Variants in ZDHHC4 observed in about 807,000 individuals in gnomAD.
The protein encoded by ZDHHC4 is zDHHC palmitoyltransferase 4, also known as palmitoyltransferase ZDHHC4.
In ZDHHC4, 42 loss-of-function variants were observed where a neutral mutation model predicts 36.7. The ratio of observed to expected loss-of-function variants is 1.14; its 90% CI spans 0.89 to 1.48. ZDHHC4 has a LOEUF of 1.48. Ranked by LOEUF, ZDHHC4 falls within the 40% of genes most tolerant of loss-of-function variation. ZDHHC4 has a pLI of 0.00. For synonymous variants in ZDHHC4, 189 were observed against 166.6 expected, an observed-to-expected ratio of 1.13 and a Z score of -1.03; for missense variants, 457 against 421.5, an observed-to-expected ratio of 1.08 and a Z score of -0.74.
chr7:6,586,693 C>A (rs1781268721), intron 7 of ZDHHC4, among the ~76,000 whole-genome samples: 1 of 152,322 alleles, frequency 6.6e-6, no homozygotes, highest in African/African-American at 2.4e-5. Flanking sequence ...CCAGGCTGGT[C>A]TTGAACTCCT....
chr7:6,585,372 C>T, intron 7 of ZDHHC4, 112 bp downstream of exon 7: 1 of 1,450,328 alleles, frequency 6.9e-7, no homozygotes, highest in Non-Finnish European at 9.2e-7. Context: ...GCCTATAATC[C>T]CAGCACTTTT....
rs530828447 is a variant in ZDHHC4 at position 6,584,912 on chromosome 7, C to G, written c.497-104C>G. The G allele has an allele frequency of 6.0e-6, 9 of 1,496,926 alleles. No individual in the cohort carries two copies. In the East Asian group the frequency reaches 9.5e-5, roughly 16 times the overall value. 92.7% of individuals were successfully genotyped at this position (1,496,926 alleles called of 1,614,324 possible). A position where few individuals can be genotyped will look rare whatever the true frequency, so the allele number is the denominator to read the frequency against. ...GGAACTAAGCAGCTGCCATTTTCCTCTGATGACACATCCAGTGGACAGATT... is the reference window on the plus strand; with the variant it reads ...GGAACTAAGCAGCTGCCATTTTCCTGTGATGACACATCCAGTGGACAGATT... On this transcript the variant is annotated intron_variant, in intron 6 of 7. Coordinates refer to ENST00000335965, the MANE Select transcript of ZDHHC4 (RefSeq NM_001134389.2).
At chr7:6,580,412 C>A in intron 2 of ZDHHC4, 143 bp from the exon 3 acceptor site, 1 of 735,746 alleles carries the variant, frequency 1.4e-6, no homozygotes, top group Non-Finnish European at 2.4e-6. Flanking sequence ...TTCTGTTTGT[C>A]TTTCTGCTTT....
At chr7:6,583,536 C>A in intron 6 of ZDHHC4, 105 bp downstream of exon 6, 1 of 1,448,240 alleles carries the variant, frequency 6.9e-7, no homozygotes, top group Non-Finnish European at 9.2e-7. Flanking sequence ...CAGTTCACCC[C>A]CAGATATGGT....
intron 6 of ZDHHC4, chr7:6,584,791 C>G: frequency 1.7e-6 from 1 of 579,742 alleles, no homozygotes; most frequent in Non-Finnish European, 3.0e-6. Context: ...GCCGCCACCA[C>G]CTCAGATTTG....
intron 4 of ZDHHC4, 145 bp downstream of exon 4, chr7:6,581,825 G>A: frequency 1.3e-6 from 1 of 781,108 alleles, no homozygotes; most frequent in East Asian, 2.7e-5. Context: ...CCTGAGTTGG[G>A]AGCCTCTACT....
rs747978522 is a variant in ZDHHC4, at chr7:6,588,899, A to C, written c.1024A>C (p.Lys342Gln). The stretch of plus-strand genomic sequence containing the variant: ...TGCCTTTCCATGTCATGAGAGGAAG[A>C]AACAAGAATGACAAGTGTATGACTG... ...LPAFPCHERK[K>Q]QE is the part of the protein sequence containing the mutation. The change falls in exon 8 of 8, where the codon AAA becomes CAA. Residue 342 changes from lysine to glutamine, a missense_variant. Physicochemically the swap from Lys to Gln is moderately conservative, Grantham distance 53. Transcript: ENST00000335965. 21 of 1,605,796 alleles carry C rather than the reference A, an allele frequency of 1.3e-5. No homozygotes were observed. In the South Asian group the frequency reaches 2.3e-4, roughly 18 times the overall value.
chr7:6,586,353 C>A (rs559348272), intron 7 of ZDHHC4, among the ~76,000 whole-genome samples: 1 of 152,164 alleles, frequency 6.6e-6, no homozygotes, highest in African/African-American at 2.4e-5. Context: ...TTCTGTCTTT[C>A]GGGATAGGCC....
At chr7:6,577,827 A>G (rs1264802952) in intron 1 of ZDHHC4, 1 of 152,098 alleles carries the variant, frequency 6.6e-6, no homozygotes, top group East Asian at 1.9e-4. Context: ...TTTCTCACAA[A>G]GTCTTTATTA....
chr7:6,585,389 C>G, intron 7 of ZDHHC4, 129 bp downstream of exon 7: 1 of 1,313,310 alleles, frequency 7.6e-7, no homozygotes, highest in Non-Finnish European at 1.0e-6. Context: ...TTTTGGAGGC[C>G]GAGGTGGGAG....
chr7:6,583,657 C>T (rs1009134467), intron 6 of ZDHHC4: 5 of 475,724 alleles, frequency 1.1e-5, no homozygotes, highest in African/African-American at 8.1e-5. Flanking sequence ...ACAGCCCTTC[C>T]CTCGCCACGT....
chr7:6,580,793 C>G, intron 3 of ZDHHC4, 115 bp downstream of exon 3: 1 of 937,956 alleles, frequency 1.1e-6, no homozygotes, highest in Non-Finnish European at 1.7e-6. Context: ...TGCCTCACAC[C>G]TGTAATCCCG....
Position 6,582,147 on chromosome 7 carries a change from G to A in ZDHHC4, c.266G>A (p.Gly89Asp). Residue 89 changes from glycine (G) to aspartate (D), a missense_variant, in exon 5 of 8, where the codon GGC becomes GAC. Physicochemically the swap from Gly to Asp is moderately conservative, Grantham distance 94 (BLOSUM62 -1). Transcript: ENST00000335965. ...VYTEYTWEVF[G>D]YCQELELSLH... ...ACTGAGTACACCTGGGAAGTATTTG[G>A]CTACTGTCAGGAGCTGGAGTTGTCC... 1 of 1,614,132 alleles carries A rather than the reference G, an allele frequency of 6.2e-7. No homozygotes were observed. The highest frequency in any genetic ancestry group is 1.1e-5 in the South Asian group (1 of 91,078).
rs1340006080 is a variant in ZDHHC4, at chr7:6,580,582, C to G, written c.21C>G (p.Phe7Leu). 1.9e-6 allele frequency: 3 copies of G among 1,614,178 alleles called. No individual in the cohort carries two copies. Among genetic ancestry groups the G allele is most frequent in the Non-Finnish European group, 2.5e-6 (3 of 1,180,032 alleles). The stretch of plus-strand genomic sequence containing the variant: ...GCAGGATGGACTTTCTGGTCCTCTT[C>G]TTGTTCTACCTGGCTTCGGTGCTGA... MDFLVL[F>L]LFYLASVLMG... Residue 7 changes from phenylalanine (F) to leucine (L), a missense_variant, in exon 3 of 8, where the codon TTC (phenylalanine) becomes TTG (leucine). By Grantham distance (22) the Phe-to-Leu change is conservative. Transcript: ENST00000335965.
intron 2 of ZDHHC4, among the ~76,000 whole-genome samples, chr7:6,580,001 G>C (rs1229075183): frequency 6.6e-6 from 1 of 151,938 alleles, no homozygotes; most frequent in Non-Finnish European, 1.5e-5. Flanking sequence ...CCAGGCATGG[G>C]GTGCGTGCCT....
intron 2 of ZDHHC4, among the ~76,000 whole-genome samples, chr7:6,579,857 C>T (rs1284793265): frequency 6.6e-6 from 1 of 152,082 alleles, no homozygotes; most frequent in East Asian, 1.9e-4. Context: ...TTATCTTGGG[C>T]AGGTGCAGTG....
chr7:6,579,357 C>A (rs531997055), intron 2 of ZDHHC4, among the ~76,000 whole-genome samples: 1 of 152,064 alleles, frequency 6.6e-6, no homozygotes, highest in Non-Finnish European at 1.5e-5. Context: ...TGTGCCACCA[C>A]GCCCGGTTAA....
chr7:6,587,436 T>C (rs918531159), intron 7 of ZDHHC4, among the ~76,000 whole-genome samples: 2 of 152,208 alleles, frequency 1.3e-5, no homozygotes, highest in African/African-American at 4.8e-5. Flanking sequence ...TCTTTTCTTG[T>C]GACTTTCAAA....
At chr7:6,585,395 G>T (rs571563223) in intron 7 of ZDHHC4, 135 bp downstream of exon 7, 576 of 1,261,204 alleles carry the variant, frequency 4.6e-4, no homozygotes, top group Non-Finnish European at 5.5e-4. Context: ...AGGCCGAGGT[G>T]GGAGGATCGC....
Sources: gnomAD v4.1 joint callset for allele counts (sites outside exome capture counted in the v4.1 genomes callset) on GRCh38, gnomAD v4.1.1 for gene constraint, MANE v1.5 for transcripts, NCBI Gene and HGNC (gene_info 2026-07-23, HGNC 2026-07-21) for gene names.